Variants in BAZ2A observed in about 807,000 individuals in gnomAD.
The protein encoded by BAZ2A is bromodomain adjacent to zinc finger domain protein 2A.
In BAZ2A, 34 loss-of-function variants were observed where a neutral mutation model predicts 199.9. The ratio of observed to expected loss-of-function variants is 0.17; its 90% CI spans 0.13 to 0.23. The LOEUF (loss-of-function observed/expected upper bound fraction) is 0.23. Ranked by LOEUF, BAZ2A falls within the 10% of genes least tolerant of loss-of-function variation. The pLI is 1.00. For missense variants in BAZ2A, 2,002 were observed against 2,391.1 expected (o/e 0.84, Z 3.39); for synonymous variants, 857 against 883.9 (o/e 0.97, Z 0.54).
intron 1 of BAZ2A, among the ~76,000 whole-genome samples, chr12:56,626,636 A>G (rs1306530050): frequency 6.6e-6 from 1 of 152,248 alleles, no homozygotes; most frequent in Non-Finnish European, 1.5e-5. Flanking sequence ...CACCCATTTT[A>G]TAAGAAGGCC....
chr12:56,600,132 C>A (rs769139176), intron 24 of BAZ2A, 36 bp from the exon 25 acceptor site: 2 of 1,612,716 alleles, frequency 1.2e-6, no homozygotes, highest in Admixed American at 3.3e-5. Flanking sequence ...GGAGAAGGAG[C>A]GGATCCACTA....
chr12:56,628,011 G>A (rs1230834939), intron 1 of BAZ2A, among the ~76,000 whole-genome samples: 4 of 150,682 alleles, frequency 2.7e-5, no homozygotes, highest in African/African-American at 9.8e-5. Context: ...ATGAAACGCC[G>A]TCTCTACTAA....
intron 1 of BAZ2A, among the ~76,000 whole-genome samples, chr12:56,624,068 G>A (rs574241286): frequency 6.7e-6 from 1 of 149,686 alleles, no homozygotes; most frequent in South Asian, 2.1e-4. Flanking sequence ...AACACAGTGA[G>A]ACCCTATCTC....
chr12:56,604,323 C>T (rs1308877597), intron 15 of BAZ2A, 32 bp from the exon 16 acceptor site: 17 of 1,579,148 alleles, frequency 1.1e-5, no homozygotes, highest in Non-Finnish European at 1.5e-5. Context: ...GATGAAGTGG[C>T]AGCACAAAAA....
rs757434254 is a variant in BAZ2A, at chr12:56,604,549, G to A, written c.2963+36C>T. ...AGTCCTCCACCCCATTCTGATGCAA[G>A]GGATACAATGACCATCCCCACTCCC... is the stretch of plus-strand genomic sequence containing the variant. On this transcript the variant is annotated intron_variant, in intron 15 of 28. Coordinates refer to ENST00000549884, the MANE Select transcript of BAZ2A (RefSeq NM_001300905.2). 10 of 1,533,806 alleles carry A rather than the reference G, an allele frequency of 6.5e-6. No homozygotes were observed. In the African/African-American group the frequency reaches 1.2e-4, roughly 19 times the overall value.
At chr12:56,618,474 C>G (rs1950795659) in intron 1 of BAZ2A, among the ~76,000 whole-genome samples, 1 of 151,974 alleles carries the variant, frequency 6.6e-6, no homozygotes, top group South Asian at 2.1e-4. Flanking sequence ...AGAAAGCAAG[C>G]AGAAGCCAGA....
chr12:56,635,253 G>A, upstream of BAZ2A, among the ~76,000 whole-genome samples: 1 of 152,114 alleles, frequency 6.6e-6, no homozygotes, highest in East Asian at 1.9e-4. This position sits in a 1 kb window ranked among gnomAD's most constrained non-coding sequence, Gnocchi z 4.1. Context: ...GGGGGATGGT[G>A]GTAGGTCCGA....
rs934855840 is a variant in BAZ2A, at chr12:56,596,576, C to T, written c.*2042G>A. ...CCTCACAATTTCACTCCCCCATCCA[C>T]CTCACAATGAAATTAATCTAGCACA... On this transcript the variant is annotated 3_prime_UTR_variant, in exon 29 of 29. Coordinates refer to ENST00000549884, the MANE Select transcript of BAZ2A (RefSeq NM_001300905.2). 2 of 152,420 alleles carry T rather than the reference C, an allele frequency of 1.3e-5. No individual in the cohort carries two copies. The highest frequency in any genetic ancestry group is 6.6e-5 in the Admixed American group (1 of 15,258). 9.4% of individuals were successfully genotyped at this position (152,420 alleles called of 1,614,324 possible).
chr12:56,626,289 G>C (rs927769298), intron 1 of BAZ2A, among the ~76,000 whole-genome samples: 1 of 152,098 alleles, frequency 6.6e-6, no homozygotes, highest in Admixed American at 6.5e-5. Context: ...TTTTATACTT[G>C]GCATTATTGC....
Position 56,596,966 on chromosome 12 carries a change from AC to A in BAZ2A, c.*1651del, listed in dbSNP as rs1013394443. The A allele has an allele frequency of 2.0e-5, 3 of 151,172 alleles. No homozygotes were observed. Among genetic ancestry groups the A allele is most frequent in the Non-Finnish European group, 4.4e-5 (3 of 67,936 alleles). The allele number at this position is 151,172 out of a possible 1,614,324, so 9.4% of individuals were successfully genotyped here. On this transcript the variant is annotated 3_prime_UTR_variant, in exon 29 of 29. Transcript: ENST00000549884. ...ATGCTCCACCTCACCTGGCACCCCCACCCCCCAATGGAACATTTCTTGGATG... is the reference window on the plus strand; with the variant it reads ...ATGCTCCACCTCACCTGGCACCCCCACCCCCAATGGAACATTTCTTGGATG...
intron 1 of BAZ2A, among the ~76,000 whole-genome samples, chr12:56,622,680 GAGAAA>G (rs769908329): frequency 3.8e-4 from 58 of 152,280 alleles, no homozygotes; most frequent in Non-Finnish European, 7.1e-4. Context: ...TTCACCAAAT[GAGAAA>G]AGAAATCAGC....
In BAZ2A at chr12:56,603,500, C is replaced by G. The variant is rs746280114; in HGVS notation, c.3219+20G>C. ...GAATTTATTTTCTAACTCCCACTTT[C>G]CTTGATCTTGGGCCAGTACCTCTCC... On this transcript the variant is annotated intron_variant, in intron 17 of 28. Coordinates refer to ENST00000549884, the MANE Select transcript of BAZ2A (RefSeq NM_001300905.2). 3.7e-6 allele frequency: 6 copies of G among 1,613,882 alleles called. No individual in the cohort carries two copies. The highest frequency in any genetic ancestry group is 5.1e-6 in the Non-Finnish European group (6 of 1,179,802).
chr12:56,616,233 T>C (rs1241305368), intron 2 of BAZ2A, among the ~76,000 whole-genome samples: 2 of 152,164 alleles, frequency 1.3e-5, no homozygotes, highest in South Asian at 2.1e-4. Context: ...TGAAACTGTT[T>C]GCAGACTCCC....
intron 2 of BAZ2A, among the ~76,000 whole-genome samples, chr12:56,616,301 G>A (rs765777282): frequency 6.6e-6 from 1 of 152,094 alleles, no homozygotes; most frequent in Non-Finnish European, 1.5e-5. Flanking sequence ...TCCCTTGGAG[G>A]GGCATGACTG....
upstream of BAZ2A, among the ~76,000 whole-genome samples, chr12:56,637,022 C>T (rs1389966774): frequency 6.6e-6 from 1 of 152,256 alleles, no homozygotes; most frequent in African/African-American, 2.4e-5. Flanking sequence ...CCCCGCCCAG[C>T]TTCTACCTAA....
intron 1 of BAZ2A, among the ~76,000 whole-genome samples, chr12:56,627,811 G>C (rs977535796): frequency 4.2e-5 from 6 of 144,160 alleles, no homozygotes; most frequent in Non-Finnish European, 9.1e-5. Flanking sequence ...GGGCATCGGA[G>C]TGAGACCCTG....
intron 10 of BAZ2A, 27 bp from the exon 11 acceptor site, chr12:56,606,760 C>T: frequency 6.3e-7 from 1 of 1,594,162 alleles, no homozygotes; most frequent in African/African-American, 1.3e-5. Flanking sequence ...AAAAATGAAA[C>T]AAGTGAGGCA....
In BAZ2A at chr12:56,598,453, A is replaced by G; in HGVS notation, c.*165T>C. On this transcript the variant is annotated 3_prime_UTR_variant, in exon 29 of 29. Coordinates refer to ENST00000549884, the MANE Select transcript of BAZ2A (RefSeq NM_001300905.2). ...GCAAGAGGAGGGAAGGGAGAAAGGGATGTAGGAATAAGAGGATGTGGGGCA... is the reference window on the plus strand; with the variant it reads ...GCAAGAGGAGGGAAGGGAGAAAGGGGTGTAGGAATAAGAGGATGTGGGGCA... 2.5e-6 allele frequency: 2 copies of G among 814,236 alleles called. No individual in the cohort carries two copies. Among genetic ancestry groups the G allele is most frequent in the South Asian group, 3.6e-5 (2 of 54,962 alleles). The allele number at this position is 814,236 out of a possible 1,614,324, so 50.4% of individuals were successfully genotyped here.
chr12:56,637,815 C>T (rs956371845), upstream of BAZ2A, among the ~76,000 whole-genome samples: 2 of 150,428 alleles, frequency 1.3e-5, no homozygotes, highest in South Asian at 4.2e-4. Context: ...AGGCCCAAAA[C>T]TGAGGCCCTA....
Sources: allele counts gnomAD v4.1 joint callset (sites outside exome capture counted in the v4.1 genomes callset), GRCh38; gene constraint gnomAD v4.1.1; non-coding constraint Gnocchi (gnomAD v3.1); transcripts MANE v1.5; gene names NCBI Gene and HGNC (gene_info 2026-07-23, HGNC 2026-07-21).